IL36B: variants seen among roughly 807,000 people sequenced by gnomAD.
IL36B encodes the protein interleukin 36 beta.
In IL36B, 23 loss-of-function variants were observed where a neutral mutation model predicts 19.3. The observed-to-expected ratio is 1.19, with a 90% CI of 0.86 to 1.69. The LOEUF is 1.69. IL36B is among the 40% of genes most tolerant of loss of function. The pLI, the probability that IL36B is intolerant of heterozygous loss-of-function variation, is 0.00. For missense variants in IL36B, 217 were observed against 200.5 expected (o/e 1.08, Z -0.50); for synonymous variants, 59 against 59.7 (o/e 0.99, Z 0.05).
intron 1 of IL36B, among the ~76,000 whole-genome samples, chr2:113,037,065 C>G (rs538141750): frequency 1.3e-5 from 2 of 152,214 alleles, no homozygotes; most frequent in African/African-American, 4.8e-5. Context: ...CTCTTAGGTG[C>G]GCTCAGAAGT....
At chr2:113,039,730 A>C (rs1685222643) in intron 1 of IL36B, among the ~76,000 whole-genome samples, 1 of 152,240 alleles carries the variant, frequency 6.6e-6, no homozygotes, top group Admixed American at 6.5e-5. Flanking sequence ...ACCACAGTCC[A>C]TTTAAATGAA....
intron 1 of IL36B, among the ~76,000 whole-genome samples, chr2:113,034,748 T>C (rs1302752992): frequency 6.6e-6 from 1 of 152,218 alleles, no homozygotes; most frequent in African/African-American, 2.4e-5. Context: ...CTTGACCTCC[T>C]CATGGAGAAG....
intron 5 of IL36B, among the ~76,000 whole-genome samples, chr2:113,023,758 G>C (rs9308681): frequency 0.78 from 118,809 of 152,172 alleles, 46,863 homozygotes; most frequent in East Asian, 0.93. Context: ...AATCAGAAAT[G>C]TTCTACTTGT....
At chr2:113,049,163 C>T (rs971419934) in intron 1 of IL36B, among the ~76,000 whole-genome samples, 3 of 152,016 alleles carry the variant, frequency 2.0e-5, no homozygotes, top group African/African-American at 4.8e-5. Context: ...GAATCAAAGA[C>T]CTAAATGAAA....
intron 1 of IL36B, among the ~76,000 whole-genome samples, chr2:113,033,550 C>T (rs774317177): frequency 5.9e-5 from 9 of 152,156 alleles, no homozygotes; most frequent in Non-Finnish European, 1.3e-4. Flanking sequence ...ACACACAACT[C>T]TTTAGGGGCC....
chr2:113,032,951 T>G (rs1323181156), intron 1 of IL36B, among the ~76,000 whole-genome samples: 1 of 152,180 alleles, frequency 6.6e-6, no homozygotes, highest in Non-Finnish European at 1.5e-5. Context: ...AAATGCGGAT[T>G]AGGCCAGATG....
chr2:113,052,772 T>C (rs1685470815), intron 1 of IL36B, 45 bp downstream of exon 1: 1 of 152,272 alleles, frequency 6.6e-6, no homozygotes, highest in African/African-American at 2.4e-5. Flanking sequence ...TTTAAGTCAA[T>C]GTAAATTTGG....
At chr2:113,045,767 A>T (rs929262979) in intron 1 of IL36B, among the ~76,000 whole-genome samples, 1 of 152,226 alleles carries the variant, frequency 6.6e-6, no homozygotes, top group African/African-American at 2.4e-5. Flanking sequence ...TGTATATTTC[A>T]TTCCAGACAT....
intron 5 of IL36B, among the ~76,000 whole-genome samples, chr2:113,025,793 G>A (rs1573364155): frequency 2.6e-5 from 4 of 152,146 alleles, no homozygotes; most frequent in Admixed American, 2.6e-4. Flanking sequence ...CCAACGTGTT[G>A]GAGGTGGCTA....
intron 1 of IL36B, among the ~76,000 whole-genome samples, chr2:113,034,312 G>T (rs1449159701): frequency 6.6e-6 from 1 of 152,022 alleles, no homozygotes; most frequent in African/African-American, 2.4e-5. Context: ...TCAACAAGTG[G>T]TCCACTCCCT....
chr2:113,034,771 C>T (rs958941796), intron 1 of IL36B, among the ~76,000 whole-genome samples: 1 of 152,220 alleles, frequency 6.6e-6, no homozygotes, highest in African/African-American at 2.4e-5. Flanking sequence ...CCAGGGGATG[C>T]TCTCCTATCG....
At chr2:113,035,182 G>A (rs1279692392) in intron 1 of IL36B, among the ~76,000 whole-genome samples, 2 of 152,178 alleles carry the variant, frequency 1.3e-5, no homozygotes, top group Non-Finnish European at 2.9e-5. Flanking sequence ...AGGGATCAAT[G>A]GGTCAAGTGA....
chr2:113,031,912 G>C (rs1237790151), intron 1 of IL36B, 146 bp from the exon 2 acceptor site: 1 of 527,796 alleles, frequency 1.9e-6, no homozygotes, highest in East Asian at 3.2e-5. Context: ...AATAAGGATG[G>C]GTACAGGACA....
intron 5 of IL36B, among the ~76,000 whole-genome samples, chr2:113,023,020 C>A (rs1356713756): frequency 2.6e-5 from 4 of 152,024 alleles, no homozygotes; most frequent in African/African-American, 9.7e-5. Flanking sequence ...AGATTGAGGC[C>A]CCAGAAGACT....
chr2:113,045,109 T>C (rs1349748372), intron 1 of IL36B, among the ~76,000 whole-genome samples: 12 of 152,200 alleles, frequency 7.9e-5, no homozygotes, highest in Admixed American at 7.9e-4. Context: ...TATGTATAAA[T>C]ATAGTTATCA....
At chr2:113,050,935 G>A (rs191731343) in intron 1 of IL36B, among the ~76,000 whole-genome samples, 10 of 151,990 alleles carry the variant, frequency 6.6e-5, no homozygotes, top group African/African-American at 1.4e-4. Context: ...AGCTTGAATT[G>A]GAGGCCGTGC....
intron 1 of IL36B, among the ~76,000 whole-genome samples, chr2:113,035,823 G>A (rs1238898004): frequency 6.6e-6 from 1 of 152,176 alleles, no homozygotes. Context: ...CTCTGACATA[G>A]ACAATGCCTT....
intron 4 of IL36B, chr2:113,027,450 T>C (rs1169075901): frequency 5.9e-6 from 6 of 1,017,940 alleles, no homozygotes; most frequent in Non-Finnish European, 7.1e-6. Flanking sequence ...TAGAAAGACA[T>C]GCAAACCTTT....
At chr2:113,034,718 C>T (rs1237457072) in intron 1 of IL36B, among the ~76,000 whole-genome samples, 1 of 152,212 alleles carries the variant, frequency 6.6e-6, no homozygotes, top group Non-Finnish European at 1.5e-5. Flanking sequence ...AAAGGCATCA[C>T]TTGTGGTGAG....
Sources: allele counts gnomAD v4.1 joint callset (sites outside exome capture counted in the v4.1 genomes callset), GRCh38; gene constraint gnomAD v4.1.1; transcripts MANE v1.5; gene names NCBI Gene and HGNC (gene_info 2026-07-23, HGNC 2026-07-21).